HTR7: variants seen among roughly 807,000 people sequenced by gnomAD.
HTR7 encodes 5-HT-7.
Under a neutral mutation model 34.0 loss-of-function variants are expected in HTR7, and 16 were observed. The ratio of observed to expected loss-of-function variants is 0.47; its 90% CI spans 0.32 to 0.71. The LOEUF (loss-of-function observed/expected upper bound fraction) is 0.71. Among genes scored for constraint, HTR7 ranks in the 30% least tolerant of loss-of-function variants. HTR7 has a pLI of 0.04. For missense variants in HTR7, 504 were observed against 625.5 expected (o/e 0.81, Z 2.07); for synonymous variants, 265 against 260.2 (o/e 1.02, Z -0.18).
intron 1 of HTR7, among the ~76,000 whole-genome samples, chr10:90,830,001 T>C (rs1316366514): frequency 2.6e-5 from 4 of 152,248 alleles, no homozygotes; most frequent in African/African-American, 9.6e-5. Flanking sequence ...AAAATGTCCA[T>C]ATTAACCAAA....
rs116924739 is a variant in HTR7 at position 90,855,271 on chromosome 10, C to T, written c.539+1862G>A. Among the ~76,000 whole-genome samples, 12 of 152,340 alleles carry T rather than the reference C, an allele frequency of 7.9e-5. No individual in the cohort carries two copies. In the East Asian group the frequency reaches 2.3e-3, roughly 29 times the overall value. ...GAAGGATTAATGTCTTCTCAGTATT[C>T]AGGACATGCCTGCCGATGCTAAGTC... On this transcript the variant is annotated intron_variant, in intron 1 of 3. Coordinates refer to ENST00000336152, the MANE Select transcript of HTR7 (RefSeq NM_019859.4).
intron 1 of HTR7, among the ~76,000 whole-genome samples, chr10:90,807,113 T>A (rs752847194): frequency 6.6e-6 from 1 of 152,202 alleles, no homozygotes; most frequent in Non-Finnish European, 1.5e-5. Context: ...ATCTTGCATT[T>A]TAAATACGAC....
Position 90,819,470 on chromosome 10 carries a change from G to C in HTR7, c.539+37663C>G, listed in dbSNP as rs147359495. Among the ~76,000 whole-genome samples, 384 of 152,260 alleles carry C rather than the reference G, an allele frequency of 2.5e-3. 1 individual carries two copies. The highest frequency in any genetic ancestry group is 0.01 in the Middle Eastern group (3 of 294). ...TGCAAAGCCCACAGGAATCTGCTGGGTTTCAAACCTTTTTTTTGAACAGAG... is the reference window on the plus strand; with the variant it reads ...TGCAAAGCCCACAGGAATCTGCTGGCTTTCAAACCTTTTTTTTGAACAGAG... On this transcript the variant is annotated intron_variant, in intron 1 of 3. Coordinates refer to ENST00000336152, the MANE Select transcript of HTR7 (RefSeq NM_019859.4).
At chr10:90,751,241 G>C (rs1395714000) in intron 1 of HTR7, among the ~76,000 whole-genome samples, 1 of 152,126 alleles carries the variant, frequency 6.6e-6, no homozygotes, top group Admixed American at 6.6e-5. Context: ...GCAAGAATAA[G>C]AGCTAAGAAA....
intron 1 of HTR7, among the ~76,000 whole-genome samples, chr10:90,849,612 A>C (rs1846464584): frequency 6.6e-6 from 1 of 152,242 alleles, no homozygotes; most frequent in South Asian, 2.1e-4. Context: ...AGGACCTCCT[A>C]CATGTGCTAA....
At chr10:90,824,342 G>T (rs966790400) in intron 1 of HTR7, among the ~76,000 whole-genome samples, 3 of 152,216 alleles carry the variant, frequency 2.0e-5, no homozygotes, top group Non-Finnish European at 4.4e-5. Context: ...TGACTAAAGA[G>T]CCTTTGAGCC....
In HTR7 at chr10:90,817,867, T is replaced by A. The variant is rs565647380; in HGVS notation, c.539+39266A>T. 1.6e-4 allele frequency among the ~76,000 whole-genome samples: 25 copies of A among 152,314 alleles called. No individual in the cohort carries two copies. In the South Asian group the frequency reaches 5.0e-3, roughly 30 times the overall value. The stretch of plus-strand genomic sequence containing the variant: ...GAATAAACAAAATATGCTATACTCA[T>A]AAAACAATCTATTCAGAAAACAAAA... On this transcript the variant is annotated intron_variant, in intron 1 of 3. Transcript: ENST00000336152.
chr10:90,759,231 T>C (rs1180422911), intron 1 of HTR7, among the ~76,000 whole-genome samples: 1 of 150,972 alleles, frequency 6.6e-6, no homozygotes, highest in Non-Finnish European at 1.5e-5. Flanking sequence ...GCCTGTTATC[T>C]AAGATTATAA....
Position 90,748,961 on chromosome 10 carries a change from C to G in HTR7, c.1173G>C (p.Leu391=). Residue 391 remains leucine, a synonymous_variant, in exon 2 of 4, where the codon CTG becomes CTC. Transcript: ENST00000336152. The stretch of plus-strand genomic sequence containing the variant: ...GGAGCAGGCTGCGATAGGTGGTCCT[C>G]AGGTCCCGGTTGAAGAAGGCATATA... ...PFIYAFFNRD[L]RTTYRSLLQC... 1 of 1,614,120 alleles carries G rather than the reference C, an allele frequency of 6.2e-7. No individual in the cohort carries two copies.
chr10:90,828,575 C>T (rs905019755), intron 1 of HTR7, among the ~76,000 whole-genome samples: 1 of 151,950 alleles, frequency 6.6e-6, no homozygotes, highest in Non-Finnish European at 1.5e-5. Context: ...TAATATGCCA[C>T]TAAATTGGAA....
intron 1 of HTR7, among the ~76,000 whole-genome samples, chr10:90,784,015 A>G (rs942295900): frequency 6.6e-6 from 1 of 152,250 alleles, no homozygotes; most frequent in African/African-American, 2.4e-5. Context: ...TTATACAAAG[A>G]AAGATGGGGA....
At chr10:90,854,557 ATCAGATTGT>A (rs1345822383) in intron 1 of HTR7, among the ~76,000 whole-genome samples, 1 of 96,532 alleles carries the variant, frequency 1.0e-5, no homozygotes, top group Non-Finnish European at 1.9e-5. Context: ...TGCAGGACAG[ATCAGATTGT>A]TTGGTGGGGG....
chr10:90,787,448 C>T (rs550137112), intron 1 of HTR7, among the ~76,000 whole-genome samples: 3 of 151,986 alleles, frequency 2.0e-5, no homozygotes, highest in South Asian at 2.1e-4. Context: ...GATGGGATCA[C>T]GCCACTGCAC....
intron 1 of HTR7, among the ~76,000 whole-genome samples, chr10:90,805,399 C>T (rs984220911): frequency 6.6e-6 from 1 of 152,184 alleles, no homozygotes; most frequent in Non-Finnish European, 1.5e-5. Context: ...AAATTTACAT[C>T]TTTAAAGGAA....
At chr10:90,825,834 T>G (rs185783287) in intron 1 of HTR7, among the ~76,000 whole-genome samples, 153 of 152,102 alleles carry the variant, frequency 1.0e-3, no homozygotes, top group African/African-American at 3.3e-3. Flanking sequence ...AAAAAGAATT[T>G]AAAAAATGAA....
intron 2 of HTR7, among the ~76,000 whole-genome samples, chr10:90,744,565 G>A (rs1844605674): frequency 8.0e-6 from 1 of 124,756 alleles, no homozygotes; most frequent in South Asian, 3.1e-4. Context: ...TAAGGATTAG[G>A]TACTTCTTTG....
rs1007161378 is a variant in HTR7 at position 90,858,001 on chromosome 10, G to T, written c.-330C>A. Among the ~76,000 whole-genome samples the T allele has an allele frequency of 4.0e-5, 6 of 150,338 alleles. No individual in the cohort carries two copies. The highest frequency in any genetic ancestry group is 1.5e-4 in the African/African-American group (6 of 41,270). The stretch of plus-strand genomic sequence containing the variant: ...TTCGCAGCAGCAGCTCGGCTGCGCC[G>T]AGAGCGCCCGGGCGGCAGCGGCAGA... On this transcript the variant is annotated 5_prime_UTR_variant, in exon 1 of 4. Coordinates refer to ENST00000336152, the MANE Select transcript of HTR7 (RefSeq NM_019859.4).
At position 90,857,741 on chromosome 10, in the gene HTR7, G is replaced by A. The variant is rs1012115031; in HGVS notation, c.-70C>T. The stretch of plus-strand genomic sequence containing the variant: ...CGCGCCTCCGGCTGCCGGCCCCGGG[G>A]CTTCACCTCACCGGTTCCGCTCCGC... On this transcript the variant is annotated 5_prime_UTR_variant, in exon 1 of 4. Coordinates refer to ENST00000336152, the MANE Select transcript of HTR7 (RefSeq NM_019859.4). This position sits in a 1 kb window ranked among gnomAD's most constrained non-coding sequence, Gnocchi z 6.5. 8.0e-6 allele frequency: 11 copies of A among 1,375,570 alleles called. No homozygotes were observed. The South Asian group carries it at 1.5e-4, about 18-fold the overall frequency. 85.2% of individuals were successfully genotyped at this position (1,375,570 alleles called of 1,614,324 possible). A position where few individuals can be genotyped will look rare whatever the true frequency, so the allele number is the denominator to read the frequency against.
intron 1 of HTR7, among the ~76,000 whole-genome samples, chr10:90,834,634 G>A (rs905755673): frequency 1.3e-5 from 2 of 152,034 alleles, no homozygotes; most frequent in South Asian, 2.1e-4. Context: ...CTTGACTGGC[G>A]ACTGGCAGCC....
Sources: gnomAD v4.1 joint callset for allele counts (sites outside exome capture counted in the v4.1 genomes callset) on GRCh38, gnomAD v4.1.1 for gene constraint, Gnocchi (gnomAD v3.1) non-coding constraint, MANE v1.5 for transcripts, NCBI Gene and HGNC (gene_info 2026-07-23, HGNC 2026-07-21) for gene names.